Variants in SLC10A7 observed in about 807,000 individuals in gnomAD.
SLC10A7 encodes solute carrier family 10 member 7.
A neutral mutation model predicts 43.2 loss-of-function variants in SLC10A7; 29 were observed. That is an observed-to-expected ratio of 0.67 (90% CI 0.50 to 0.92). The LOEUF (loss-of-function observed/expected upper bound fraction) is 0.92. Ranked by LOEUF, SLC10A7 falls within the 40% of genes least tolerant of loss-of-function variation. SLC10A7 has a pLI of 0.00. For synonymous variants in SLC10A7, 152 were observed against 144.8 expected (o/e 1.05, Z -0.35); for missense variants, 295 against 403.2 (o/e 0.73, Z 2.30).
chr4:146,431,882 CATAAT>C (rs1455622186), intron 5 of SLC10A7, among the ~76,000 whole-genome samples: 13 of 152,048 alleles, frequency 8.5e-5, no homozygotes, highest in Non-Finnish European at 2.9e-5. Flanking sequence ...AAATCACTTA[CATAAT>C]ATATGTCTGA....
chr4:146,440,633 A>G lies in SLC10A7; in HGVS notation c.435+2150T>C, dbSNP rs151138778. Among the ~76,000 whole-genome samples the G allele has an allele frequency of 8.1e-4, 123 of 152,230 alleles. 1 individual carries two copies. In the East Asian group the frequency reaches 0.016, roughly 19 times the overall value. On this transcript the variant is annotated intron_variant, in intron 5 of 11. Coordinates refer to ENST00000335472, the MANE Select transcript of SLC10A7 (RefSeq NM_001029998.6). The stretch of plus-strand genomic sequence containing the variant: ...TAATTCTAACTGATACAGTTTACAC[A>G]TGTTTCATAATCCTAGGTTGTTGTA...
chr4:146,332,163 G>A (rs1023179332), intron 5 of SLC10A7, among the ~76,000 whole-genome samples: 1 of 152,062 alleles, frequency 6.6e-6, no homozygotes, highest in Non-Finnish European at 1.5e-5. Flanking sequence ...ATCTTAACAT[G>A]CCCAAATCAA....
Position 146,347,212 on chromosome 4 carries a change from G to A in SLC10A7, c.436-21216C>T, listed in dbSNP as rs1734688350. On this transcript the variant is annotated intron_variant, in intron 5 of 11. Coordinates refer to ENST00000335472, the MANE Select transcript of SLC10A7 (RefSeq NM_001029998.6). ...GTAGACAAGGAAGTGTGTTCGTGGTGCTTAGAGGAAAAGAAAGGCAGGGCA... is the reference window on the plus strand; with the variant it reads ...GTAGACAAGGAAGTGTGTTCGTGGTACTTAGAGGAAAAGAAAGGCAGGGCA... Among the ~76,000 whole-genome samples the A allele has an allele frequency of 2.6e-5, 4 of 152,050 alleles. No homozygotes were observed. In the South Asian group the frequency reaches 8.3e-4, roughly 31 times the overall value.
chr4:146,380,069 C>T (rs1737504432), intron 5 of SLC10A7, among the ~76,000 whole-genome samples: 2 of 151,478 alleles, frequency 1.3e-5, no homozygotes, highest in Non-Finnish European at 2.9e-5. Flanking sequence ...AATCTAATAC[C>T]CATTGGGAAG....
chr4:146,519,112 T>TATATATATATATAA (rs1553991185), intron 1 of SLC10A7, among the ~76,000 whole-genome samples: 2 of 15,972 alleles, frequency 1.3e-4, no homozygotes, highest in African/African-American at 2.9e-4. Context: ...TATATATATA[T>TATATATATATATAA]AATATAATAT....
intron 6 of SLC10A7, among the ~76,000 whole-genome samples, chr4:146,324,645 C>A (rs948900398): frequency 6.6e-6 from 1 of 152,090 alleles, no homozygotes; most frequent in Non-Finnish European, 1.5e-5. Context: ...GCATCCTGTG[C>A]CCACCAAGGG....
At chr4:146,521,472 A>C in intron 1 of SLC10A7, 146 bp downstream of exon 1, 3 of 645,034 alleles carry the variant, frequency 4.7e-6, no homozygotes, top group Non-Finnish European at 8.1e-6. Context: ...TTGGTAAATT[A>C]GAAAATCAGC....
chr4:146,489,707 C>A (rs1735224986), intron 4 of SLC10A7, among the ~76,000 whole-genome samples: 1 of 152,028 alleles, frequency 6.6e-6, no homozygotes, highest in Middle Eastern at 3.2e-3. Flanking sequence ...TCTTTTTTTC[C>A]TTCCAGAACA....
intron 4 of SLC10A7, among the ~76,000 whole-genome samples, chr4:146,473,350 T>G (rs1468413449): frequency 6.6e-6 from 1 of 152,228 alleles, no homozygotes; most frequent in Admixed American, 6.5e-5. Flanking sequence ...CATATATGTT[T>G]TATTTTAATG....
At chr4:146,504,320 C>T (rs1304330510) in intron 3 of SLC10A7, among the ~76,000 whole-genome samples, 1 of 151,890 alleles carries the variant, frequency 6.6e-6, no homozygotes, top group East Asian at 1.9e-4. Flanking sequence ...GAGATCGAGA[C>T]CATCCTGGCT....
intron 4 of SLC10A7, among the ~76,000 whole-genome samples, chr4:146,498,738 T>C (rs972455000): frequency 1.3e-5 from 2 of 152,218 alleles, no homozygotes; most frequent in Non-Finnish European, 2.9e-5. Context: ...GCTATGCACA[T>C]ACATTGAGTT....
chr4:146,333,701 T>C (rs1233769978), intron 5 of SLC10A7, among the ~76,000 whole-genome samples: 1 of 151,976 alleles, frequency 6.6e-6, no homozygotes, highest in Non-Finnish European at 1.5e-5. Context: ...AGCCTAGTAA[T>C]CCATGGTAAG....
intron 5 of SLC10A7, chr4:146,442,089 T>A (rs975819479): frequency 1.0e-6 from 1 of 976,524 alleles, no homozygotes; most frequent in Non-Finnish European, 1.2e-6. Context: ...CACAAAAAAA[T>A]TAAATCAACA....
At chr4:146,496,835 C>A (rs998903730) in intron 4 of SLC10A7, among the ~76,000 whole-genome samples, 1 of 151,968 alleles carries the variant, frequency 6.6e-6, no homozygotes, top group African/African-American at 2.4e-5. Flanking sequence ...CAGCTATGAC[C>A]CTTGCCATGG....
intron 5 of SLC10A7, among the ~76,000 whole-genome samples, chr4:146,419,062 C>G (rs1252014449): frequency 6.6e-6 from 1 of 151,858 alleles, no homozygotes. Flanking sequence ...AGCTTCCATG[C>G]CCTCTCCAGG....
chr4:146,494,313 C>T (rs1471827859), intron 4 of SLC10A7, among the ~76,000 whole-genome samples: 1 of 152,198 alleles, frequency 6.6e-6, no homozygotes, highest in Non-Finnish European at 1.5e-5. Context: ...ATTCTGTGCT[C>T]AAGGTCAGGC....
intron 10 of SLC10A7, among the ~76,000 whole-genome samples, chr4:146,262,818 A>G (rs1295533122): frequency 6.6e-6 from 1 of 152,154 alleles, no homozygotes; most frequent in Non-Finnish European, 1.5e-5. Flanking sequence ...TGTCCAAGCC[A>G]TTTTCTACTC....
At position 146,472,264 on chromosome 4, in the gene SLC10A7, G is replaced by A. The variant is rs1016027394; in HGVS notation, c.397-29443C>T. 2.0e-5 allele frequency among the ~76,000 whole-genome samples: 3 copies of A among 151,924 alleles called. No individual in the cohort carries two copies. The East Asian group carries it at 5.8e-4, about 29-fold the overall frequency. ...TGTTTAGAAAAACACTTCCATGTACGGCATACATACCAGTGTTAGGAAGAA... is the reference window on the plus strand; with the variant it reads ...TGTTTAGAAAAACACTTCCATGTACAGCATACATACCAGTGTTAGGAAGAA... On this transcript the variant is annotated intron_variant, in intron 4 of 11. Coordinates refer to ENST00000335472, the MANE Select transcript of SLC10A7 (RefSeq NM_001029998.6).
chr4:146,284,266 T>C (rs1029182261), intron 9 of SLC10A7, among the ~76,000 whole-genome samples: 1 of 152,200 alleles, frequency 6.6e-6, no homozygotes, highest in Non-Finnish European at 1.5e-5. Flanking sequence ...ACTCCATCTA[T>C]ACAGTTGCAG....
Sources: gnomAD v4.1 joint callset for allele counts (sites outside exome capture counted in the v4.1 genomes callset) on GRCh38, gnomAD v4.1.1 for gene constraint, MANE v1.5 for transcripts, NCBI Gene and HGNC (gene_info 2026-07-23, HGNC 2026-07-21) for gene names.